Variants in STK39 observed in about 807,000 individuals in gnomAD.
The protein encoded by STK39 is STE20/SPS1-related proline-alanine-rich protein kinase.
Under a neutral mutation model 77.8 loss-of-function variants are expected in STK39, and 20 were observed. The observed-to-expected ratio is 0.26, with a 90% CI of 0.18 to 0.37. The LOEUF is 0.37. Among genes scored for constraint, STK39 ranks in the 10% least tolerant of loss-of-function variants. The pLI is 1.00. For missense variants in STK39, 479 were observed against 656.5 expected, an observed-to-expected ratio of 0.73 and a Z score of 2.95; for synonymous variants, 246 against 234.1, an observed-to-expected ratio of 1.05 and a Z score of -0.47.
intron 10 of STK39, among the ~76,000 whole-genome samples, chr2:168,127,488 G>C (rs751163615): frequency 1.4e-4 from 22 of 152,156 alleles, no homozygotes; most frequent in Non-Finnish European, 1.6e-4. Context: ...GTTACAGCCT[G>C]AACAGATTCT....
At chr2:168,160,895 C>G (rs16854955) in intron 5 of STK39, among the ~76,000 whole-genome samples, 41,756 of 147,680 alleles carry the variant, frequency 0.28, 6,700 homozygotes, top group East Asian at 0.57. Flanking sequence ...GATGGCTCAA[C>G]AACAAAATCC....
chr2:168,232,621 A>G (rs1690487229), intron 1 of STK39, among the ~76,000 whole-genome samples: 1 of 152,180 alleles, frequency 6.6e-6, no homozygotes, highest in African/African-American at 2.4e-5. Context: ...TTTAAGGAAC[A>G]GGACATGAAG....
At chr2:168,038,056 T>C (rs1312835962) in intron 14 of STK39, among the ~76,000 whole-genome samples, 2 of 152,052 alleles carry the variant, frequency 1.3e-5, no homozygotes, top group Admixed American at 1.3e-4. Flanking sequence ...CAGAGTGAAA[T>C]AGGTGTGGTT....
At chr2:168,067,868 T>C (rs1016334705) in intron 12 of STK39, among the ~76,000 whole-genome samples, 5 of 152,294 alleles carry the variant, frequency 3.3e-5, no homozygotes, top group African/African-American at 4.8e-5. Flanking sequence ...CGGTTTCATA[T>C]TGCTATGAAC....
At position 168,182,002 on chromosome 2, in the gene STK39, G is replaced by A. The variant is rs1044094619; in HGVS notation, c.297C>T (p.Cys99=). 3 of 1,613,760 alleles carry A rather than the reference G, an allele frequency of 1.9e-6. No homozygotes were observed. In the African/African-American group the frequency reaches 4.0e-5, roughly 22 times the overall value. Residue 99 remains cysteine (C), a synonymous_variant, in exon 2 of 18, where the codon TGC becomes TGT. Coordinates refer to ENST00000355999, the MANE Select transcript of STK39 (RefSeq NM_013233.3). The part of the protein sequence containing the change: ...VAIKRINLEK[C]QTSMDELLKE... ...CTAATAGTTCATCCATACTGGTCTG[G>A]CATTTTTCCAAGTTGATCCGTTTTA...
intron 10 of STK39, 72 bp downstream of exon 10, chr2:168,129,469 T>C (rs1687624630): frequency 6.4e-7 from 1 of 1,560,778 alleles, no homozygotes. Context: ...GAAATCTTTT[T>C]CCAATTTTTC....
chr2:168,139,940 G>T (rs970230305), intron 7 of STK39, among the ~76,000 whole-genome samples: 1 of 152,058 alleles, frequency 6.6e-6, no homozygotes, highest in Admixed American at 6.6e-5. Context: ...TTGCAGAGAT[G>T]ACATCACTAT....
At chr2:168,207,870 A>C (rs1689781996) in intron 1 of STK39, among the ~76,000 whole-genome samples, 1 of 152,194 alleles carries the variant, frequency 6.6e-6, no homozygotes. Context: ...ATCCCAACTG[A>C]GGTCGGTCTA....
chr2:168,117,303 C>T (rs972862972), intron 10 of STK39, among the ~76,000 whole-genome samples: 2 of 152,178 alleles, frequency 1.3e-5, no homozygotes, highest in South Asian at 4.1e-4. Flanking sequence ...AGCAGATTTC[C>T]TCTACCTCCC....
At chr2:168,149,208 G>A (rs924396383) in intron 5 of STK39, among the ~76,000 whole-genome samples, 3 of 152,134 alleles carry the variant, frequency 2.0e-5, no homozygotes, top group African/African-American at 7.2e-5. Flanking sequence ...TACAGTACAG[G>A]CCCTTGCAGT....
At chr2:168,008,457 G>A (rs1028550532) in intron 16 of STK39, among the ~76,000 whole-genome samples, 4 of 152,180 alleles carry the variant, frequency 2.6e-5, no homozygotes, top group African/African-American at 9.7e-5. Flanking sequence ...GGAGGGGCAG[G>A]CTGGGAAGAA....
chr2:168,045,232 T>C (rs1339068255), intron 14 of STK39, among the ~76,000 whole-genome samples: 1 of 152,222 alleles, frequency 6.6e-6, no homozygotes, highest in African/African-American at 2.4e-5. Flanking sequence ...ACATTTCTTC[T>C]TCCATTCCTC....
At chr2:168,170,316 G>T (rs992803570) in intron 2 of STK39, among the ~76,000 whole-genome samples, 1 of 149,884 alleles carries the variant, frequency 6.7e-6, no homozygotes, top group Admixed American at 6.6e-5. Context: ...AAGCATATTT[G>T]TTTGTCCCTA....
intron 10 of STK39, among the ~76,000 whole-genome samples, chr2:168,108,699 C>T (rs1451618935): frequency 6.6e-6 from 1 of 152,124 alleles, no homozygotes; most frequent in African/African-American, 2.4e-5. Context: ...GAAATCTGTA[C>T]TAAACTCACT....
chr2:168,239,958 G>A (rs1690717730), intron 1 of STK39, among the ~76,000 whole-genome samples: 2 of 152,248 alleles, frequency 1.3e-5, no homozygotes, highest in South Asian at 4.1e-4. Context: ...CTGGTTACAT[G>A]GTGTGTTCAA....
chr2:168,001,037 T>C (rs919194796), intron 16 of STK39, among the ~76,000 whole-genome samples: 3 of 152,126 alleles, frequency 2.0e-5, no homozygotes, highest in Non-Finnish European at 4.4e-5. Context: ...GGCCCATGCG[T>C]TTGCACCTAA....
intron 16 of STK39, among the ~76,000 whole-genome samples, chr2:167,996,457 C>G (rs2105290310): frequency 6.6e-6 from 1 of 152,316 alleles, no homozygotes; most frequent in East Asian, 1.9e-4. Flanking sequence ...ACCTACCTGG[C>G]AGGGGCAGCC....
chr2:168,208,291 T>C (rs752739150), intron 1 of STK39, among the ~76,000 whole-genome samples: 1 of 152,198 alleles, frequency 6.6e-6, no homozygotes, highest in Non-Finnish European at 1.5e-5. Flanking sequence ...TGCTAACCTA[T>C]TGGACTATAT....
At chr2:168,036,562 G>C (rs746275886) in intron 14 of STK39, among the ~76,000 whole-genome samples, 4 of 152,192 alleles carry the variant, frequency 2.6e-5, no homozygotes, top group Non-Finnish European at 5.9e-5. Context: ...CATATAATTA[G>C]ACAATAGGTT....
Sources: allele counts gnomAD v4.1 joint callset (sites outside exome capture counted in the v4.1 genomes callset), GRCh38; gene constraint gnomAD v4.1.1; transcripts MANE v1.5; gene names NCBI Gene and HGNC (gene_info 2026-07-23, HGNC 2026-07-21).